IMMP2L: variants seen among roughly 807,000 people sequenced by gnomAD.
The protein encoded by IMMP2L is inner mitochondrial membrane peptidase subunit 2.
IMMP2L carries 18 observed loss-of-function variants against 19.3 expected under a neutral mutation model. That is an observed-to-expected ratio of 0.93 (90% CI 0.64 to 1.38). The LOEUF (loss-of-function observed/expected upper bound fraction) is 1.38, where lower values mean the gene tolerates loss of function less well. Ranked by LOEUF, IMMP2L falls within the 40% of genes most tolerant of loss-of-function variation. The probability of loss-of-function intolerance (pLI) is 0.00; values close to 1 mark genes in which losing one functional copy is unlikely to be tolerated. For synonymous variants in IMMP2L, 76 were observed against 73.0 expected, an observed-to-expected ratio of 1.04 and a Z score of -0.21; for missense variants, 233 against 218.2, an observed-to-expected ratio of 1.07 and a Z score of -0.43.
At chr7:110,999,770 G>A (rs1307047082) in intron 3 of IMMP2L, among the ~76,000 whole-genome samples, 1 of 152,104 alleles carries the variant, frequency 6.6e-6, no homozygotes, top group African/African-American at 2.4e-5. Flanking sequence ...ACAAAAGGAG[G>A]GTGGGGTTGC....
chr7:110,988,751 G>A (rs928882715), intron 3 of IMMP2L, among the ~76,000 whole-genome samples: 1 of 151,990 alleles, frequency 6.6e-6, no homozygotes, highest in Non-Finnish European at 1.5e-5. Context: ...GGAGTTAAGT[G>A]AATTATTGTA....
rs74977646 is a variant in IMMP2L at position 111,552,449 on chromosome 7, G to A, written c.-3+9402C>T. ...ATCACAGGCATGTATCATCACACCC[G>A]GCTAATTTTTGTATTTTTAGTAGAG... On this transcript the variant is annotated intron_variant, in intron 1 of 5. Coordinates refer to ENST00000405709, the MANE Select transcript of IMMP2L (RefSeq NM_032549.4). 5.8e-3 allele frequency among the ~76,000 whole-genome samples: 884 copies of A among 152,076 alleles called. 50 individuals are homozygous for A. In the South Asian group the frequency reaches 0.12, roughly 20 times the overall value.
At chr7:110,993,236 G>C (rs566938072) in intron 3 of IMMP2L, among the ~76,000 whole-genome samples, 2 of 152,102 alleles carry the variant, frequency 1.3e-5, no homozygotes, top group South Asian at 2.1e-4. Context: ...AAATGAAAAG[G>C]AAGAAGTAAC....
At chr7:110,690,244 C>T (rs7799421) in intron 5 of IMMP2L, among the ~76,000 whole-genome samples, 149,256 of 152,238 alleles carry the variant, frequency 0.98, 73,228 homozygotes, top group Middle Eastern at 1. Context: ...CTTAGCTTCA[C>T]GTCTTCTTTT....
intron 3 of IMMP2L, among the ~76,000 whole-genome samples, chr7:110,982,129 G>A (rs1821368272): frequency 6.6e-6 from 1 of 152,134 alleles, no homozygotes; most frequent in Non-Finnish European, 1.5e-5. Flanking sequence ...ATATGCATCT[G>A]ATTTCAGGTT....
chr7:110,768,061 C>T (rs566308324), intron 5 of IMMP2L, among the ~76,000 whole-genome samples: 20 of 152,170 alleles, frequency 1.3e-4, no homozygotes, highest in Admixed American at 3.9e-4. Context: ...AACAGATAAA[C>T]GCATACTTAA....
intron 3 of IMMP2L, among the ~76,000 whole-genome samples, chr7:111,115,422 T>TA (rs1799760286): frequency 6.6e-6 from 1 of 152,014 alleles, no homozygotes; most frequent in African/African-American, 2.4e-5. Flanking sequence ...AGAATTTTCA[T>TA]AAAAAATGAC....
At chr7:111,509,224 G>A (rs1019551961) in intron 2 of IMMP2L, among the ~76,000 whole-genome samples, 1 of 152,006 alleles carries the variant, frequency 6.6e-6, no homozygotes, top group Non-Finnish European at 1.5e-5. Flanking sequence ...CTCACAAAAC[G>A]ATTCTAATTT....
intron 5 of IMMP2L, among the ~76,000 whole-genome samples, chr7:110,732,487 T>C (rs1796334806): frequency 6.6e-6 from 1 of 152,044 alleles, no homozygotes; most frequent in Non-Finnish European, 1.5e-5. Context: ...GAAATAGATA[T>C]GGTACTGAAT....
intron 5 of IMMP2L, among the ~76,000 whole-genome samples, chr7:110,750,946 C>G (rs1382251921): frequency 6.6e-6 from 1 of 151,990 alleles, no homozygotes; most frequent in Non-Finnish European, 1.5e-5. Context: ...TAATAAATGT[C>G]TGTCAGAAAT....
At chr7:111,557,900 C>CT (rs1178476594) in intron 1 of IMMP2L, among the ~76,000 whole-genome samples, 1 of 151,556 alleles carries the variant, frequency 6.6e-6, no homozygotes, top group Non-Finnish European at 1.5e-5. Context: ...ATCAACTGGA[C>CT]TTTGAGTATA....
intron 3 of IMMP2L, among the ~76,000 whole-genome samples, chr7:111,412,135 G>A (rs1370632445): frequency 2.6e-5 from 4 of 151,574 alleles, no homozygotes; most frequent in Non-Finnish European, 5.9e-5. Context: ...AAATATTTAT[G>A]CACCTAATAA....
At chr7:110,765,980 T>C (rs979080371) in intron 5 of IMMP2L, among the ~76,000 whole-genome samples, 2 of 152,196 alleles carry the variant, frequency 1.3e-5, no homozygotes, top group African/African-American at 4.8e-5. Flanking sequence ...TGTGTGGTTG[T>C]GCACATTGTG....
chr7:110,743,895 C>T (rs982747413), intron 5 of IMMP2L, among the ~76,000 whole-genome samples: 1 of 151,814 alleles, frequency 6.6e-6, no homozygotes, highest in Non-Finnish European at 1.5e-5. Flanking sequence ...GCGCCTGGAA[C>T]ACCAGTGAAA....
At chr7:110,940,746 C>A (rs1324346436) in intron 4 of IMMP2L, among the ~76,000 whole-genome samples, 3 of 152,162 alleles carry the variant, frequency 2.0e-5, no homozygotes, top group African/African-American at 7.2e-5. Flanking sequence ...ACAAACACAA[C>A]AAACAACAAC....
rs559969340 is a variant in IMMP2L, at chr7:111,359,174, G to A, written c.239+128064C>T. Among the ~76,000 whole-genome samples the A allele has an allele frequency of 7.9e-4, 121 of 152,212 alleles. 1 individual carries two copies. The highest frequency in any genetic ancestry group is 1.5e-3 in the Non-Finnish European group (101 of 68,004). On this transcript the variant is annotated intron_variant, in intron 3 of 5. Coordinates refer to ENST00000405709, the MANE Select transcript of IMMP2L (RefSeq NM_032549.4). ...TTGCCTCTGCTGTTTTTACTGGCAA[G>A]GTCAGTGATACAAAAATTTGATTTT... is the stretch of plus-strand genomic sequence containing the variant.
chr7:111,367,187 T>A (rs1402830781), intron 3 of IMMP2L, among the ~76,000 whole-genome samples: 1 of 150,858 alleles, frequency 6.6e-6, no homozygotes. Context: ...CATATATTCC[T>A]GTGTGGGTAA....
chr7:111,454,457 A>G (rs1223382487), intron 3 of IMMP2L, among the ~76,000 whole-genome samples: 1 of 152,098 alleles, frequency 6.6e-6, no homozygotes, highest in Non-Finnish European at 1.5e-5. Flanking sequence ...TAAGCGATTA[A>G]CCCCATTAAA....
At chr7:111,513,585 T>TACC (rs1563295565) in intron 2 of IMMP2L, among the ~76,000 whole-genome samples, 1 of 152,246 alleles carries the variant, frequency 6.6e-6, no homozygotes, top group South Asian at 2.1e-4. Context: ...CCAGATGATC[T>TACC]ACCACTCTCA....
Sources: allele counts gnomAD v4.1 joint callset (sites outside exome capture counted in the v4.1 genomes callset), GRCh38; gene constraint gnomAD v4.1.1; transcripts MANE v1.5; gene names NCBI Gene and HGNC (gene_info 2026-07-23, HGNC 2026-07-21).